Variants in MBTD1 observed in about 807,000 individuals in gnomAD.
MBTD1 encodes the protein MBT domain-containing protein 1.
A neutral mutation model predicts 87.8 loss-of-function variants in MBTD1; 24 were observed. The ratio of observed to expected loss-of-function variants is 0.27; its 90% confidence interval spans 0.20 to 0.38. The LOEUF is 0.38. Ranked by LOEUF, MBTD1 falls within the 10% of genes least tolerant of loss-of-function variation. The pLI, the probability that MBTD1 is intolerant of heterozygous loss-of-function variation, is 1.00. For synonymous variants in MBTD1, 237 were observed against 248.6 expected (o/e 0.95, Z 0.44); for missense variants, 436 against 760.2 (o/e 0.57, Z 5.02).
At chr17:51,246,327 T>TA (rs1223883755) in intron 2 of MBTD1, among the ~76,000 whole-genome samples, 1 of 152,230 alleles carries the variant, frequency 6.6e-6, no homozygotes, top group Non-Finnish European at 1.5e-5. Flanking sequence ...AAGGTGTCAC[T>TA]ATCTCAGTTG....
chr17:51,259,877 T>G lies in MBTD1; in HGVS notation c.-155A>C. On this transcript the variant is annotated 5_prime_UTR_variant, in exon 1 of 17. Coordinates refer to ENST00000586178, the MANE Select transcript of MBTD1 (RefSeq NM_017643.3). ...CCATCAGGGCCTCATGGGTAGGGGT[T>G]GTCCGTGCTCCCCGAGCCCGCGGCG... 3 of 1,231,358 alleles carry G rather than the reference T, an allele frequency of 2.4e-6. No individual in the cohort carries two copies. The highest frequency in any genetic ancestry group is 3.0e-6 in the Non-Finnish European group (3 of 987,598). 76.3% of individuals were successfully genotyped at this position (1,231,358 alleles called of 1,614,324 possible). A position where few individuals can be genotyped will look rare whatever the true frequency, so the allele number is the denominator to read the frequency against.
chr17:51,219,938 C>T (rs1215159369), intron 4 of MBTD1, among the ~76,000 whole-genome samples: 1 of 152,008 alleles, frequency 6.6e-6, no homozygotes, highest in East Asian at 1.9e-4. Context: ...AAAGCGAGGA[C>T]GATGAGAAAA....
intron 2 of MBTD1, among the ~76,000 whole-genome samples, chr17:51,248,371 T>C (rs1381398687): frequency 6.6e-6 from 1 of 152,226 alleles, no homozygotes; most frequent in Non-Finnish European, 1.5e-5. Flanking sequence ...CAGATTCTGG[T>C]ATGTAGTATT....
intron 12 of MBTD1, among the ~76,000 whole-genome samples, chr17:51,200,395 A>G (rs2051392809): frequency 6.6e-6 from 1 of 150,740 alleles, no homozygotes; most frequent in Admixed American, 6.6e-5. Flanking sequence ...CCCCATTGCT[A>G]AGAAAACAAC....
At chr17:51,234,746 C>T (rs1236709587) in intron 2 of MBTD1, among the ~76,000 whole-genome samples, 4 of 152,130 alleles carry the variant, frequency 2.6e-5, no homozygotes, top group African/African-American at 4.8e-5. Context: ...CAGGCTGGAG[C>T]GCAATGGTGC....
At chr17:51,213,862 G>A (rs1248209026) in intron 6 of MBTD1, among the ~76,000 whole-genome samples, 2 of 151,852 alleles carry the variant, frequency 1.3e-5, no homozygotes, top group Non-Finnish European at 2.9e-5. Flanking sequence ...TGTGTTCTGA[G>A]GTCTAAGATT....
intron 2 of MBTD1, among the ~76,000 whole-genome samples, chr17:51,252,526 AG>A (rs2054849770): frequency 6.6e-6 from 1 of 152,154 alleles, no homozygotes; most frequent in Non-Finnish European, 1.5e-5. Context: ...GTAATCCACC[AG>A]GAGTTCCAGA....
chr17:51,217,630 A>G (rs192184009), intron 5 of MBTD1, among the ~76,000 whole-genome samples: 76 of 152,258 alleles, frequency 5.0e-4, no homozygotes, highest in African/African-American at 1.8e-3. Flanking sequence ...TGTTTTTGAG[A>G]CTGAGTCTCC....
intron 12 of MBTD1, among the ~76,000 whole-genome samples, chr17:51,197,114 A>G (rs1403490784): frequency 2.1e-5 from 1 of 47,660 alleles, no homozygotes; most frequent in African/African-American, 1.0e-4. Context: ...ATATATATAT[A>G]TATGGAGGAC....
rs548788999 is a variant in MBTD1 at position 51,254,300 on chromosome 17, T to C, written c.-49+4843A>G. 3.9e-5 allele frequency among the ~76,000 whole-genome samples: 6 copies of C among 152,312 alleles called. 1 individual carries two copies. In the East Asian group the frequency reaches 1.2e-3, roughly 29 times the overall value. On this transcript the variant is annotated intron_variant, in intron 2 of 16. Transcript: ENST00000586178. ...CTGGTATAGTGATAAAACTCATCAG[T>C]GTAAAGAGAAATGCCTTCTTTCTTT... is the stretch of plus-strand genomic sequence containing the variant.
chr17:51,257,413 T>G (rs985414710), intron 2 of MBTD1, among the ~76,000 whole-genome samples: 7 of 152,210 alleles, frequency 4.6e-5, no homozygotes, highest in African/African-American at 1.7e-4. Flanking sequence ...TGGTTTAGTA[T>G]TTATCCTAAT....
At chr17:51,203,587 G>T (rs2051623043) in intron 8 of MBTD1, among the ~76,000 whole-genome samples, 1 of 152,038 alleles carries the variant, frequency 6.6e-6, no homozygotes, top group South Asian at 2.1e-4. Context: ...AGTTGAGATG[G>T]GGTTTTGCCA....
At position 51,193,008 on chromosome 17, in the gene MBTD1, T is replaced by C. The variant is rs1418532081; in HGVS notation, c.1464A>G (p.Pro488=). ...APVKLFNKDV[P]NHGFRVGMKL... The stretch of plus-strand genomic sequence containing the variant: ...TCATTCCTACACGAAATCCGTGATT[T>C]GGAACATCCTGACACAGAGAAGAAA... Residue 488 remains proline (P), a synonymous_variant, in exon 15 of 17, where the codon CCA becomes CCG. Transcript: ENST00000586178. 1 of 1,607,882 alleles carries C rather than the reference T, an allele frequency of 6.2e-7. No individual in the cohort carries two copies. The highest frequency in any genetic ancestry group is 8.5e-7 in the Non-Finnish European group (1 of 1,174,420).
intron 2 of MBTD1, among the ~76,000 whole-genome samples, chr17:51,258,008 C>CAAA (rs11324573): frequency 1.5e-5 from 2 of 136,992 alleles, no homozygotes; most frequent in African/African-American, 2.6e-5. Context: ...GGAGGTGGTG[C>CAAA]AAAAAAAAAA....
intron 5 of MBTD1, among the ~76,000 whole-genome samples, chr17:51,218,656 T>C (rs2052717040): frequency 6.6e-6 from 1 of 152,036 alleles, no homozygotes; most frequent in South Asian, 2.1e-4. Flanking sequence ...CCTAATATCT[T>C]CACAATTCAA....
chr17:51,201,212 G>A (rs1298243977), intron 12 of MBTD1, among the ~76,000 whole-genome samples: 1 of 151,950 alleles, frequency 6.6e-6, no homozygotes, highest in Admixed American at 6.6e-5. Context: ...AGGGGGAAAA[G>A]AGAAAAGCAG....
intron 10 of MBTD1, among the ~76,000 whole-genome samples, chr17:51,202,356 C>T (rs188825207): frequency 6.6e-6 from 1 of 152,046 alleles, no homozygotes; most frequent in Non-Finnish European, 1.5e-5. Flanking sequence ...TTTTCATGTG[C>T]TTAGTATTAA....
chr17:51,221,311 AAAACAAAACAAAC>A (rs2052876019), intron 3 of MBTD1, among the ~76,000 whole-genome samples: 1 of 152,174 alleles, frequency 6.6e-6, no homozygotes, highest in African/African-American at 2.4e-5. Context: ...AACAAAAAAC[AAAACAAAACAAAC>A]AAACAAAAAA....
chr17:51,202,482 C>A (rs1229916434), intron 10 of MBTD1, among the ~76,000 whole-genome samples: 1 of 152,054 alleles, frequency 6.6e-6, no homozygotes, highest in Non-Finnish European at 1.5e-5. Context: ...TAGTTGTGAC[C>A]AGAAGAAGTT....
Sources: gnomAD v4.1 joint callset for allele counts (sites outside exome capture counted in the v4.1 genomes callset) on GRCh38, gnomAD v4.1.1 for gene constraint, MANE v1.5 for transcripts, NCBI Gene and HGNC (gene_info 2026-07-23, HGNC 2026-07-21) for gene names.